Variants in SORCS2 observed in about 807,000 individuals in gnomAD.
SORCS2 encodes the protein sortilin related VPS10 domain containing receptor 2.
A neutral mutation model predicts 141.6 loss-of-function variants in SORCS2; 100 were observed. That is an observed-to-expected ratio of 0.71 (90% CI 0.60 to 0.83). The LOEUF (loss-of-function observed/expected upper bound fraction) is 0.83, where lower values mean the gene tolerates loss of function less well. Among genes scored for constraint, SORCS2 ranks in the 40% least tolerant of loss-of-function variants. The probability of loss-of-function intolerance (pLI) is 0.00; values close to 1 mark genes in which losing one functional copy is unlikely to be tolerated. For synonymous variants in SORCS2, 789 were observed against 676.9 expected (o/e 1.17, Z -2.57); for missense variants, 1,646 against 1,560.2 (o/e 1.05, Z -0.93).
intron 14 of SORCS2, among the ~76,000 whole-genome samples, chr4:7,710,199 C>G: frequency 6.6e-6 from 1 of 152,180 alleles, no homozygotes; most frequent in Non-Finnish European, 1.5e-5. Context: ...TTTCTGTACC[C>G]GCCATGTTTC....
chr4:7,402,229 A>G (rs377461020), intron 2 of SORCS2, among the ~76,000 whole-genome samples: 1 of 152,192 alleles, frequency 6.6e-6, no homozygotes. Flanking sequence ...GAAATACACT[A>G]TGATAGCTTC....
Position 7,434,527 on chromosome 4 carries a change from A to G in SORCS2, c.548+38172A>G, listed in dbSNP as rs553682675. 12 of 1,613,056 alleles carry G rather than the reference A, an allele frequency of 7.4e-6. No individual in the cohort carries two copies. The African/African-American group carries it at 1.5e-4, about 20-fold the overall frequency. ...CGGGGCCCCACGGAGCATGCTCAGGATGGCCGAACTGTGGGCATCCACCAT... is the reference window on the plus strand; with the variant it reads ...CGGGGCCCCACGGAGCATGCTCAGGGTGGCCGAACTGTGGGCATCCACCAT... On this transcript the variant is annotated intron_variant, in intron 2 of 26. Coordinates refer to ENST00000507866, the MANE Select transcript of SORCS2 (RefSeq NM_020777.3).
At chr4:7,696,716 G>A (rs1724733390) in intron 11 of SORCS2, among the ~76,000 whole-genome samples, 4 of 152,210 alleles carry the variant, frequency 2.6e-5, no homozygotes, top group African/African-American at 9.7e-5. Context: ...CCAGCAGATA[G>A]TGAGACCCTG....
At chr4:7,654,401 C>T (rs541492419) in intron 5 of SORCS2, among the ~76,000 whole-genome samples, 194 bp downstream of exon 5, 1 of 152,328 alleles carries the variant, frequency 6.6e-6, no homozygotes, top group East Asian at 1.9e-4. Context: ...AACCCGCAGT[C>T]GTTCTTCCTG....
At chr4:7,475,206 C>T (rs879363208) in intron 2 of SORCS2, among the ~76,000 whole-genome samples, 14 of 152,132 alleles carry the variant, frequency 9.2e-5, no homozygotes, top group East Asian at 1.9e-4. Flanking sequence ...AGGGTGCCGC[C>T]GTGCCTGGGA....
chr4:7,305,169 C>A (rs570729531), intron 1 of SORCS2, among the ~76,000 whole-genome samples: 1 of 152,090 alleles, frequency 6.6e-6, no homozygotes, highest in South Asian at 2.1e-4. Context: ...GTAGCTGGGA[C>A]TGCAGGCGCC....
chr4:7,733,249 ACCCCATC>A (rs1322135736), intron 23 of SORCS2, 66 bp from the exon 24 acceptor site: 1 of 928,442 alleles, frequency 1.1e-6, no homozygotes, highest in Non-Finnish European at 1.4e-6. Flanking sequence ...CTGGAGGAGG[ACCCCATC>A]CCCCTTCCCT....
chr4:7,581,369 G>T (rs1381387210), intron 3 of SORCS2, among the ~76,000 whole-genome samples: 2 of 152,066 alleles, frequency 1.3e-5, no homozygotes, highest in Non-Finnish European at 2.9e-5. Flanking sequence ...AGTTTGGTGA[G>T]GATATAAGGA....
intron 1 of SORCS2, among the ~76,000 whole-genome samples, chr4:7,229,214 A>G (rs1372314478): frequency 6.6e-6 from 1 of 152,048 alleles, no homozygotes; most frequent in East Asian, 1.9e-4. Flanking sequence ...CCATCTCTGC[A>G]TACCCTGTTT....
At chr4:7,273,414 A>G (rs969621800) in intron 1 of SORCS2, among the ~76,000 whole-genome samples, 3 of 152,078 alleles carry the variant, frequency 2.0e-5, no homozygotes, top group Non-Finnish European at 4.4e-5. Flanking sequence ...TGCATCCATC[A>G]TTGCTGGAGG....
At chr4:7,416,791 T>TGC (rs1292828857) in intron 2 of SORCS2, among the ~76,000 whole-genome samples, 1 of 112,270 alleles carries the variant, frequency 8.9e-6, no homozygotes, top group East Asian at 2.8e-4. Flanking sequence ...CACACGCTTG[T>TGC]GCACACACAA....
chr4:7,498,911 G>C (rs1432957629), intron 2 of SORCS2, among the ~76,000 whole-genome samples: 1 of 152,164 alleles, frequency 6.6e-6, no homozygotes, highest in African/African-American at 2.4e-5. Flanking sequence ...ATGTCAAGCT[G>C]AGCGTGGAGT....
At chr4:7,222,555 C>T (rs768818491) in intron 1 of SORCS2, among the ~76,000 whole-genome samples, 32 of 152,036 alleles carry the variant, frequency 2.1e-4, no homozygotes, top group Non-Finnish European at 3.5e-4. Context: ...GTGGTGTGTG[C>T]GGGGGTCTGT....
chr4:7,661,623 C>A, intron 6 of SORCS2, 59 bp downstream of exon 6: 1 of 1,466,972 alleles, frequency 6.8e-7, no homozygotes, highest in Non-Finnish European at 9.3e-7. Context: ...CCCGACACAG[C>A]TCGGCTGCAC....
At chr4:7,737,239 C>G (rs1001136550) in intron 26 of SORCS2, 67 bp downstream of exon 26, 1 of 1,542,402 alleles carries the variant, frequency 6.5e-7, no homozygotes, top group Non-Finnish European at 8.7e-7. Flanking sequence ...AAACCCACCC[C>G]GCCCTCCCAC....
chr4:7,428,022 C>T (rs1726577021), intron 2 of SORCS2, among the ~76,000 whole-genome samples: 1 of 152,132 alleles, frequency 6.6e-6, no homozygotes, highest in Admixed American at 6.5e-5. Flanking sequence ...TCTGTGGGCT[C>T]TTCTGGGGGC....
intron 1 of SORCS2, among the ~76,000 whole-genome samples, chr4:7,323,123 C>T (rs1719007144): frequency 6.6e-6 from 1 of 152,216 alleles, no homozygotes; most frequent in Non-Finnish European, 1.5e-5. Context: ...GTATTAATAA[C>T]CGCCAGTTTT....
chr4:7,196,905 A>G (rs1344193199), intron 1 of SORCS2, among the ~76,000 whole-genome samples: 5 of 152,238 alleles, frequency 3.3e-5, no homozygotes, highest in African/African-American at 1.2e-4. Flanking sequence ...TATACTACCC[A>G]TGGCCTCTCC....
chr4:7,547,487 G>T (rs1179670852), intron 3 of SORCS2, among the ~76,000 whole-genome samples: 4 of 152,248 alleles, frequency 2.6e-5, no homozygotes, highest in African/African-American at 2.4e-5. Context: ...CTCCATGCCT[G>T]CAGGCCTGTG....
Sources: gnomAD v4.1 joint callset for allele counts (sites outside exome capture counted in the v4.1 genomes callset) on GRCh38, gnomAD v4.1.1 for gene constraint, MANE v1.5 for transcripts, NCBI Gene and HGNC (gene_info 2026-07-23, HGNC 2026-07-21) for gene names.